Variants in NTNG1 observed in about 807,000 individuals in gnomAD.
NTNG1 encodes the protein netrin-G1.
Under a neutral mutation model 54.0 loss-of-function variants are expected in NTNG1, and 16 were observed. The observed-to-expected ratio is 0.30, with a 90% CI of 0.20 to 0.45. NTNG1 has a LOEUF of 0.45. NTNG1 is among the 20% of genes least tolerant of loss of function. The probability of loss-of-function intolerance (pLI) is 1.00; values close to 1 mark genes in which losing one functional copy is unlikely to be tolerated. For missense variants in NTNG1, 530 were observed against 678.7 expected, an observed-to-expected ratio of 0.78 and a Z score of 2.43; for synonymous variants, 255 against 263.1, an observed-to-expected ratio of 0.97 and a Z score of 0.30.
intron 5 of NTNG1, 75 bp downstream of exon 5, chr1:107,407,783 A>G: frequency 2.4e-6 from 3 of 1,257,994 alleles, no homozygotes; most frequent in Non-Finnish European, 3.5e-6. Flanking sequence ...ACCTCCTCAG[A>G]TCTATTTTCC....
chr1:107,214,962 A>G (rs1271777496), intron 2 of NTNG1, among the ~76,000 whole-genome samples: 3 of 151,424 alleles, frequency 2.0e-5, no homozygotes, highest in Non-Finnish European at 1.5e-5. Flanking sequence ...TCCTTAGCCC[A>G]CTTTTTGATG....
At position 107,464,314 on chromosome 1, in the gene NTNG1, G is replaced by A. The variant is rs535775370; in HGVS notation, c.1391-16297G>A. 3.9e-5 allele frequency among the ~76,000 whole-genome samples: 6 copies of A among 152,114 alleles called. No homozygotes were observed. The South Asian group carries it at 8.3e-4, about 21-fold the overall frequency. The stretch of plus-strand genomic sequence containing the variant: ...CTAAAGATGGATAATCAGTCACATC[G>A]TTAGCACAAAAGAATTGCCCGATTA... On this transcript the variant is annotated intron_variant, in intron 7 of 7. Transcript: ENST00000370068.
At chr1:107,249,379 G>A (rs1310086448) in intron 2 of NTNG1, among the ~76,000 whole-genome samples, 1 of 151,632 alleles carries the variant, frequency 6.6e-6, no homozygotes, top group African/African-American at 2.4e-5. Context: ...CTACTCTGGA[G>A]GCTGAGGCAG....
intron 2 of NTNG1, among the ~76,000 whole-genome samples, chr1:107,309,656 C>G (rs1305583631): frequency 6.6e-6 from 1 of 152,136 alleles, no homozygotes; most frequent in Non-Finnish European, 1.5e-5. Flanking sequence ...GAGATGACTT[C>G]CAACATTGGA....
chr1:107,364,567 G>T (rs1162523426), intron 3 of NTNG1, among the ~76,000 whole-genome samples: 1 of 152,110 alleles, frequency 6.6e-6, no homozygotes, highest in Non-Finnish European at 1.5e-5. Context: ...AACCATTTAC[G>T]ACGTGCTCAG....
chr1:107,370,587 T>C (rs964110381), intron 3 of NTNG1, among the ~76,000 whole-genome samples: 2 of 151,914 alleles, frequency 1.3e-5, no homozygotes, highest in African/African-American at 4.8e-5. Flanking sequence ...TAGCTCCCAC[T>C]TATGACTGAG....
chr1:107,436,801 T>C lies in NTNG1; in HGVS notation c.1390+2T>C. ...ATTCCTGGCACTACGGCTGTCAACG[T>C]AAGTAACTCTGGGAGCTGCCCTCTG... On this transcript the variant is annotated splice_donor_variant, in intron 7 of 7. Transcript: ENST00000370068. LOFTEE classifies it high-confidence loss of function. 6.2e-7 allele frequency: 1 copy of C among 1,613,190 alleles called. No individual in the cohort carries two copies. Among genetic ancestry groups the C allele is most frequent in the South Asian group, 1.1e-5 (1 of 90,996 alleles).
Position 107,480,956 on chromosome 1 carries a change from A to C in NTNG1, c.*116A>C. 1.3e-6 allele frequency: 1 copy of C among 752,506 alleles called. No homozygotes were observed. Among genetic ancestry groups the C allele is most frequent in the Non-Finnish European group, 2.2e-6 (1 of 461,782 alleles). 46.6% of individuals were successfully genotyped at this position (752,506 alleles called of 1,614,324 possible). On this transcript the variant is annotated 3_prime_UTR_variant, in exon 8 of 8. Coordinates refer to ENST00000370068, the MANE Select transcript of NTNG1 (RefSeq NM_001113226.3). ...ACAGACACCCCCACTCAGACAGTGT[A>C]CAAACTAAGAAGGCCTAACTGAACT...
At position 107,380,869 on chromosome 1, in the gene NTNG1, C is replaced by T. The variant is rs1671603485; in HGVS notation, c.888-14285C>T. ...CACTACTGTTAAATATAAAACAAAA[C>T]ACTTCTGTTAAATATAAAACAAAAA... is the stretch of plus-strand genomic sequence containing the variant. On this transcript the variant is annotated intron_variant, in intron 3 of 7. Transcript: ENST00000370068. 2.0e-5 allele frequency among the ~76,000 whole-genome samples: 3 copies of T among 152,214 alleles called. No individual in the cohort carries two copies. In the South Asian group the frequency reaches 6.2e-4, roughly 32 times the overall value.
At chr1:107,230,846 C>T (rs1661020699) in intron 2 of NTNG1, among the ~76,000 whole-genome samples, 1 of 152,134 alleles carries the variant, frequency 6.6e-6, no homozygotes, top group Admixed American at 6.5e-5. Context: ...GTAGATAATA[C>T]AGCAATAAGA....
chr1:107,140,100 C>T (rs1334263841), upstream of NTNG1: 4 of 154,632 alleles, frequency 2.6e-5, no homozygotes, highest in Non-Finnish European at 5.7e-5. Flanking sequence ...CTCAGCGCCC[C>T]GAGGTCGTGG....
chr1:107,269,397 C>T (rs1249302407), intron 2 of NTNG1, among the ~76,000 whole-genome samples: 3 of 152,132 alleles, frequency 2.0e-5, no homozygotes, highest in Admixed American at 6.6e-5. Flanking sequence ...TCATTTCTAC[C>T]CTTGGCATTT....
At chr1:107,291,175 G>A (rs939367635) in intron 2 of NTNG1, among the ~76,000 whole-genome samples, 11 of 151,574 alleles carry the variant, frequency 7.3e-5, no homozygotes, top group Non-Finnish European at 1.6e-4. Flanking sequence ...AGACGACAAG[G>A]ATGAAGACCT....
intron 2 of NTNG1, among the ~76,000 whole-genome samples, chr1:107,315,140 G>A (rs1667263350): frequency 6.6e-6 from 1 of 152,030 alleles, no homozygotes; most frequent in Non-Finnish European, 1.5e-5. Context: ...ATCACTTCTT[G>A]TTCTTCATCT....
chr1:107,220,205 C>A (rs1230380138), intron 2 of NTNG1, among the ~76,000 whole-genome samples: 1 of 152,204 alleles, frequency 6.6e-6, no homozygotes, highest in East Asian at 1.9e-4. Flanking sequence ...GCCCTCCTCA[C>A]CCTCCGCCAA....
At chr1:107,363,379 A>T (rs1231427372) in intron 3 of NTNG1, among the ~76,000 whole-genome samples, 2 of 152,196 alleles carry the variant, frequency 1.3e-5, no homozygotes, top group Non-Finnish European at 2.9e-5. Flanking sequence ...GTCATGAGGA[A>T]ACTGGGGGGT....
chr1:107,156,855 A>G (rs1053148600), intron 2 of NTNG1, among the ~76,000 whole-genome samples: 2 of 152,208 alleles, frequency 1.3e-5, no homozygotes, highest in African/African-American at 4.8e-5. Flanking sequence ...GAAGGAAGGT[A>G]GCCTTGACCA....
At chr1:107,355,887 C>T (rs930619374) in intron 3 of NTNG1, among the ~76,000 whole-genome samples, 3 of 152,136 alleles carry the variant, frequency 2.0e-5, no homozygotes, top group African/African-American at 4.8e-5. Flanking sequence ...TTGTTTATTT[C>T]TGACCTCAGT....
intron 2 of NTNG1, among the ~76,000 whole-genome samples, chr1:107,240,633 G>A (rs1416120439): frequency 1.3e-5 from 2 of 152,208 alleles, no homozygotes; most frequent in Non-Finnish European, 2.9e-5. Context: ...TCTCTGAAAA[G>A]CATTGCATGT....
Sources: allele counts gnomAD v4.1 joint callset (sites outside exome capture counted in the v4.1 genomes callset), GRCh38; gene constraint gnomAD v4.1.1; transcripts MANE v1.5; gene names NCBI Gene and HGNC (gene_info 2026-07-23, HGNC 2026-07-21).